The following CUX1 variants were observed in gnomAD, a reference collection of about 807,000 sequenced individuals.
The protein encoded by CUX1 is cut like homeobox 1, also known as protein CASP.
A neutral mutation model predicts 158.8 loss-of-function variants in CUX1; 31 were observed. The ratio of observed to expected loss-of-function variants is 0.20; its 90% CI spans 0.15 to 0.26. The LOEUF (loss-of-function observed/expected upper bound fraction) is 0.26, where lower values mean the gene tolerates loss of function less well. Among genes scored for constraint, CUX1 ranks in the 10% least tolerant of loss-of-function variants. The pLI, the probability that CUX1 is intolerant of heterozygous loss-of-function variation, is 1.00. For synonymous variants in CUX1, 879 were observed against 862.1 expected, an observed-to-expected ratio of 1.02 and a Z score of -0.34; for missense variants, 1,589 against 2,014.6, an observed-to-expected ratio of 0.79 and a Z score of 4.04.
intron 2 of CUX1, among the ~76,000 whole-genome samples, chr7:101,943,078 CTTTTTTTTTTTT>C (rs58332486): frequency 1.2e-5 from 1 of 80,332 alleles, no homozygotes; most frequent in South Asian, 5.0e-4. Flanking sequence ...CTGGTCAGTG[CTTTTTTTTTTTT>C]TTTTTTTTTT....
chr7:101,904,269 C>T (rs1472270866), intron 1 of CUX1, among the ~76,000 whole-genome samples: 1 of 152,136 alleles, frequency 6.6e-6, no homozygotes, highest in Non-Finnish European at 1.5e-5. Context: ...CACTGCACTC[C>T]AGCCTGGGTA....
In CUX1 at chr7:101,950,252, C is replaced by T. The variant is rs1187447140; in HGVS notation, c.141+34027C>T. Among the ~76,000 whole-genome samples, 9 of 152,228 alleles carry T rather than the reference C, an allele frequency of 5.9e-5. No homozygotes were observed. The East Asian group carries it at 1.4e-3, about 23-fold the overall frequency. ...CCTGAACTCCTGATCTCAGGTGATC[C>T]GCCTGCCTCAGCCTCCCAAAGTGTT... On this transcript the variant is annotated intron_variant, in intron 2 of 23. Transcript: ENST00000292535.
chr7:102,281,201 T>C (rs554775799), intron 20 of CUX1, among the ~76,000 whole-genome samples: 1 of 152,190 alleles, frequency 6.6e-6, no homozygotes, highest in East Asian at 1.9e-4. Flanking sequence ...AGTAAGATCC[T>C]GTCTCTACAA....
At chr7:101,851,309 G>A (rs1315585863) in intron 1 of CUX1, among the ~76,000 whole-genome samples, 2 of 151,922 alleles carry the variant, frequency 1.3e-5, no homozygotes, top group South Asian at 2.1e-4. Flanking sequence ...GTGAGGTAGG[G>A]TTTCATCTTT....
At chr7:102,197,832 A>G (rs550120718) in intron 15 of CUX1, among the ~76,000 whole-genome samples, 5 of 152,320 alleles carry the variant, frequency 3.3e-5, no homozygotes, top group South Asian at 2.1e-4. Context: ...TTCACGGTCC[A>G]TTAGTGATTT....
At chr7:102,102,931 G>A (rs1273061469) in intron 5 of CUX1, among the ~76,000 whole-genome samples, 2 of 151,956 alleles carry the variant, frequency 1.3e-5, no homozygotes, top group Non-Finnish European at 2.9e-5. Flanking sequence ...TGGCATAGGC[G>A]TATCTGGAGG....
rs1212162166 is a variant in CUX1 at position 102,258,049 on chromosome 7, C to T, written c.*9007C>T. Reference sequence around the variant, plus strand: ...CTGGCGTGGGGGTGGGGGAGGCACCCGTCGGCCCCTTGGTGTTGTCCCTCT... The same window carrying T: ...CTGGCGTGGGGGTGGGGGAGGCACCTGTCGGCCCCTTGGTGTTGTCCCTCT... On this transcript the variant is annotated 3_prime_UTR_variant, in exon 24 of 24. Transcript: ENST00000292535. The T allele has an allele frequency of 2.0e-6, 2 of 985,048 alleles. No homozygotes were observed. The highest frequency in any genetic ancestry group is 2.4e-6 in the Non-Finnish European group (2 of 829,884). 61.0% of individuals were successfully genotyped at this position (985,048 alleles called of 1,614,324 possible). A position where few individuals can be genotyped will look rare whatever the true frequency, so the allele number is the denominator to read the frequency against.
intron 4 of CUX1, among the ~76,000 whole-genome samples, chr7:102,085,586 T>TA (rs1554480169): frequency 6.6e-6 from 1 of 152,250 alleles, no homozygotes; most frequent in African/African-American, 2.4e-5. Flanking sequence ...GCCATGACTG[T>TA]AAGTTTCCTG....
intron 15 of CUX1, among the ~76,000 whole-genome samples, chr7:102,197,917 C>A (rs1002372648): frequency 5.9e-5 from 9 of 152,134 alleles, no homozygotes; most frequent in African/African-American, 2.2e-4. Context: ...CCTTTCTACC[C>A]CACCCTCCGT....
chr7:101,861,753 TATC>T (rs1474952241), intron 1 of CUX1, among the ~76,000 whole-genome samples: 1 of 151,980 alleles, frequency 6.6e-6, no homozygotes, highest in Non-Finnish European at 1.5e-5. Flanking sequence ...GTACCAGAGT[TATC>T]ATCACCCCTA....
At chr7:102,172,127 C>G (rs1451559497) in intron 10 of CUX1, among the ~76,000 whole-genome samples, 1 of 152,176 alleles carries the variant, frequency 6.6e-6, no homozygotes. Context: ...CTTCTGTCGC[C>G]CAGGCTGGAG....
At chr7:102,012,797 C>T (rs1346223042) in intron 2 of CUX1, among the ~76,000 whole-genome samples, 1 of 152,138 alleles carries the variant, frequency 6.6e-6, no homozygotes, top group East Asian at 1.9e-4. Context: ...CAAGCATTCC[C>T]CCAGAGAATT....
At chr7:102,268,592 T>C (rs1734733) in intron 14 of CUX1, among the ~76,000 whole-genome samples, 95,791 of 151,954 alleles carry the variant, frequency 0.63, 31,193 homozygotes, top group African/African-American at 0.82. Context: ...TTTTCTGTAT[T>C]AGCTGTTCTT....
At chr7:102,038,851 A>G (rs1186434308) in intron 3 of CUX1, among the ~76,000 whole-genome samples, 1 of 152,140 alleles carries the variant, frequency 6.6e-6, no homozygotes, top group African/African-American at 2.4e-5. Context: ...GCTACTCAGG[A>G]GGCTGAGGCA....
At chr7:102,087,824 C>T (rs1442651981) in intron 4 of CUX1, among the ~76,000 whole-genome samples, 1 of 151,896 alleles carries the variant, frequency 6.6e-6, no homozygotes, top group East Asian at 1.9e-4. Flanking sequence ...TTTATTTTTA[C>T]TCATCTATTT....
intron 1 of CUX1, among the ~76,000 whole-genome samples, chr7:101,882,246 A>C (rs575711800): frequency 3.7e-4 from 56 of 152,310 alleles, no homozygotes; most frequent in Non-Finnish European, 6.5e-4. Flanking sequence ...GCTGGTGAAT[A>C]AGCATACCAC....
chr7:102,033,702 T>C (rs1380752533), intron 3 of CUX1, among the ~76,000 whole-genome samples: 1 of 152,226 alleles, frequency 6.6e-6, no homozygotes, highest in Non-Finnish European at 1.5e-5. Context: ...AAGAGAGTTT[T>C]ATCAATCATT....
At chr7:102,204,965 A>G (rs1554520680) in intron 19 of CUX1, 149 bp from the exon 20 acceptor site, 1 of 623,086 alleles carries the variant, frequency 1.6e-6, no homozygotes, top group East Asian at 2.8e-5. Flanking sequence ...TGGCCTTGCA[A>G]CAGCAGCGCC....
intron 22 of CUX1, among the ~76,000 whole-genome samples, chr7:102,236,903 C>T (rs1479354612): frequency 1.3e-5 from 2 of 152,206 alleles, no homozygotes; most frequent in Non-Finnish European, 1.5e-5. Flanking sequence ...ACTGTTTCTG[C>T]GGGGCCCAGA....
Sources: allele counts gnomAD v4.1 joint callset (sites outside exome capture counted in the v4.1 genomes callset), GRCh38; gene constraint gnomAD v4.1.1; transcripts MANE v1.5; gene names NCBI Gene and HGNC (gene_info 2026-07-23, HGNC 2026-07-21).